Variants in TDP1 observed in about 807,000 individuals in gnomAD.
TDP1 encodes the protein tyrosyl-DNA phosphodiesterase 1, also known as tyr-DNA phosphodiesterase 1.
In TDP1, 64 loss-of-function variants were observed where a neutral mutation model predicts 81.5. The observed-to-expected ratio is 0.79, with a 90% confidence interval of 0.64 to 0.97. The LOEUF is 0.97. Among genes scored for constraint, TDP1 ranks in the 50% least tolerant of loss-of-function variants. The pLI, the probability that TDP1 is intolerant of heterozygous loss-of-function variation, is 0.00. For synonymous variants in TDP1, 256 were observed against 264.3 expected (o/e 0.97, Z 0.30); for missense variants, 723 against 743.8 (o/e 0.97, Z 0.33).
intron 14 of TDP1, among the ~76,000 whole-genome samples, chr14:90,009,189 G>A (rs185740870): frequency 1.9e-4 from 29 of 152,274 alleles, no homozygotes; most frequent in African/African-American, 7.0e-4. Flanking sequence ...TCTGTGACTT[G>A]AGTGGACAAA....
rs1888560030 is a variant in TDP1 at position 90,043,522 on chromosome 14, A to G, written c.*379A>G. ...TATCTTGGGAATGGGACCCAAATCT[A>G]AACACAAAATTCATTTATGTTTCAT... On this transcript the variant is annotated 3_prime_UTR_variant, in exon 17 of 17. Transcript: ENST00000335725. 3.0e-6 allele frequency: 1 copy of G among 331,224 alleles called. No individual in the cohort carries two copies. Among genetic ancestry groups the G allele is most frequent in the African/African-American group, 2.1e-5 (1 of 47,264 alleles). 20.5% of individuals were successfully genotyped at this position (331,224 alleles called of 1,614,324 possible). A position where few individuals can be genotyped will look rare whatever the true frequency, so the allele number is the denominator to read the frequency against.
intron 16 of TDP1, among the ~76,000 whole-genome samples, chr14:90,041,706 T>C (rs1888374321): frequency 6.6e-6 from 1 of 152,232 alleles, no homozygotes; most frequent in East Asian, 1.9e-4. Flanking sequence ...TTGAAGTTTC[T>C]CTAACACTTA....
chr14:90,031,657 C>CA (rs199722685), intron 15 of TDP1, among the ~76,000 whole-genome samples: 11 of 151,474 alleles, frequency 7.3e-5, no homozygotes, highest in African/African-American at 2.2e-4. Flanking sequence ...ACTCTGTCTC[C>CA]AAAAAACAAA....
intron 14 of TDP1, among the ~76,000 whole-genome samples, chr14:90,006,412 G>A (rs1290916014): frequency 1.3e-5 from 2 of 152,022 alleles, no homozygotes; most frequent in Non-Finnish European, 2.9e-5. Flanking sequence ...AGGATTTCAC[G>A]CTGTCACTCA....
At chr14:90,014,197 G>A (rs1262467167) in intron 14 of TDP1, among the ~76,000 whole-genome samples, 1 of 152,170 alleles carries the variant, frequency 6.6e-6, no homozygotes, top group East Asian at 1.9e-4. Context: ...TAGGATAGAT[G>A]CTTGAGACAG....
intron 14 of TDP1, among the ~76,000 whole-genome samples, chr14:90,000,621 A>C (rs1424983461): frequency 6.6e-6 from 1 of 152,082 alleles, no homozygotes; most frequent in Non-Finnish European, 1.5e-5. Flanking sequence ...CCGACCTCAG[A>C]TGATCCGCCC....
intron 15 of TDP1, among the ~76,000 whole-genome samples, chr14:90,030,266 C>A (rs76906253): frequency 6.6e-6 from 1 of 152,186 alleles, no homozygotes; most frequent in Non-Finnish European, 1.5e-5. Flanking sequence ...TCAGTGCCCT[C>A]GCCCTCCCGG....
chr14:89,974,481 C>T (rs1312992590), intron 6 of TDP1, among the ~76,000 whole-genome samples: 2 of 152,228 alleles, frequency 1.3e-5, no homozygotes, highest in African/African-American at 2.4e-5. Context: ...CTGTGAGCAT[C>T]TCCATTCCAA....
At chr14:89,964,843 A>G in intron 3 of TDP1, 1 of 445,312 alleles carries the variant, frequency 2.2e-6, no homozygotes, top group South Asian at 1.6e-5. Flanking sequence ...TTCTCCTTTA[A>G]TCCTCAGGAC....
At chr14:89,984,373 TTA>T (rs1895327770) in intron 8 of TDP1, 141 bp from the exon 9 acceptor site, 1 of 1,551,162 alleles carries the variant, frequency 6.4e-7, no homozygotes, top group African/African-American at 1.4e-5. Context: ...GTTCTCAGAT[TTA>T]TGTTTCATGT....
At chr14:90,005,008 T>A (rs572594710) in intron 14 of TDP1, among the ~76,000 whole-genome samples, 1 of 152,278 alleles carries the variant, frequency 6.6e-6, no homozygotes, top group South Asian at 2.1e-4. Context: ...ACTATGGGAC[T>A]CAGGAAAACA....
chr14:89,993,548 A>G lies in TDP1; in HGVS notation c.1541+65A>G, dbSNP rs1896406909. ...AATGTGTTCATAATTCTTGCTCTGA[A>G]TGTTGAATGGGTTTCTAAAAAGTGA... On this transcript the variant is annotated intron_variant, in intron 14 of 16. Coordinates refer to ENST00000335725, the MANE Select transcript of TDP1 (RefSeq NM_018319.4). 8.2e-6 allele frequency: 13 copies of G among 1,580,872 alleles called. No individual in the cohort carries two copies. In the Admixed American group the frequency reaches 1.1e-4, roughly 13 times the overall value.
chr14:90,010,007 G>A (rs1884512182), intron 14 of TDP1, among the ~76,000 whole-genome samples: 1 of 152,232 alleles, frequency 6.6e-6, no homozygotes, highest in African/African-American at 2.4e-5. Context: ...ATATGCCTAA[G>A]TGAGAACGCT....
chr14:90,030,773 T>TC (rs1343469900), intron 15 of TDP1, among the ~76,000 whole-genome samples: 7 of 149,038 alleles, frequency 4.7e-5, no homozygotes, highest in African/African-American at 1.7e-4. Context: ...TTTTTACTCT[T>TC]TTTTTTTTTT....
At chr14:90,023,054 A>G (rs1414413321) in intron 15 of TDP1, 1 of 763,352 alleles carries the variant, frequency 1.3e-6, no homozygotes, top group East Asian at 2.4e-5. Flanking sequence ...AGAATAAAGG[A>G]TGAAGTGGAG....
At chr14:90,009,027 C>T (rs1884380173) in intron 14 of TDP1, among the ~76,000 whole-genome samples, 1 of 152,196 alleles carries the variant, frequency 6.6e-6, no homozygotes, top group Admixed American at 6.5e-5. Flanking sequence ...TTTAAGTATA[C>T]TTATTTTTAA....
At chr14:89,984,803 T>G in intron 9 of TDP1, 120 bp downstream of exon 9, 1 of 1,591,254 alleles carries the variant, frequency 6.3e-7, no homozygotes, top group Non-Finnish European at 8.5e-7. Flanking sequence ...AGCTTCAGGA[T>G]GTGATGAGGG....
intron 14 of TDP1, among the ~76,000 whole-genome samples, chr14:90,001,405 G>C (rs1897177822): frequency 6.6e-6 from 1 of 152,106 alleles, no homozygotes; most frequent in Non-Finnish European, 1.5e-5. Context: ...CATAAAATCT[G>C]CACCAAAACC....
intron 15 of TDP1, among the ~76,000 whole-genome samples, chr14:90,021,807 C>G (rs560156582): frequency 2.0e-5 from 3 of 152,310 alleles, no homozygotes; most frequent in East Asian, 1.9e-4. Flanking sequence ...GATTCAAGAG[C>G]TAGGCACCAA....
Sources: gnomAD v4.1 joint callset for allele counts (sites outside exome capture counted in the v4.1 genomes callset) on GRCh38, gnomAD v4.1.1 for gene constraint, MANE v1.5 for transcripts, NCBI Gene and HGNC (gene_info 2026-07-23, HGNC 2026-07-21) for gene names.